Variants in ANP32E observed in about 807,000 individuals in gnomAD.
The protein encoded by ANP32E is acidic leucine-rich nuclear phosphoprotein 32 family member E.
ANP32E carries 14 observed loss-of-function variants against 35.3 expected under a neutral mutation model. The observed-to-expected ratio is 0.40, with a 90% CI of 0.26 to 0.62. ANP32E has a LOEUF of 0.62. ANP32E is among the 20% of genes least tolerant of loss of function. ANP32E has a pLI of 0.45. For synonymous variants in ANP32E, 89 were observed against 110.4 expected (o/e 0.81, Z 1.22); for missense variants, 198 against 304.4 (o/e 0.65, Z 2.60).
chr1:150,234,508 A>G (rs1572035871), intron 1 of ANP32E: 1 of 853,034 alleles, frequency 1.2e-6, no homozygotes, highest in Non-Finnish European at 1.4e-6. Context: ...CTCTATGCCG[A>G]TCTGCACAGA....
At position 150,226,828 on chromosome 1, in the gene ANP32E, C is replaced by T. The variant is rs782404965; in HGVS notation, c.494-33G>A. ...AAATCATTTAAAGATGAGTAAATGACTGGGTAAATGTTTCTTCCTAGGATG... is the reference window on the plus strand; with the variant it reads ...AAATCATTTAAAGATGAGTAAATGATTGGGTAAATGTTTCTTCCTAGGATG... On this transcript the variant is annotated intron_variant, in intron 4 of 6. Coordinates refer to ENST00000583931, the MANE Select transcript of ANP32E (RefSeq NM_030920.5). 12 of 1,579,740 alleles carry T rather than the reference C, an allele frequency of 7.6e-6. 1 individual carries two copies. The highest frequency in any genetic ancestry group is 4.5e-5 in the East Asian group (2 of 44,032).
At chr1:150,234,038 G>A (rs1266573415) in intron 1 of ANP32E, among the ~76,000 whole-genome samples, 1 of 152,126 alleles carries the variant, frequency 6.6e-6, no homozygotes, top group Non-Finnish European at 1.5e-5. Flanking sequence ...TACGTAAGGA[G>A]GAAAGTAAAT....
chr1:150,223,389 C>T (rs1455082475), intron 5 of ANP32E, 149 bp from the exon 6 acceptor site: 2 of 1,118,118 alleles, frequency 1.8e-6, no homozygotes, highest in African/African-American at 3.2e-5. Context: ...TTTTTAAAAC[C>T]TAACTAAAGG....
chr1:150,227,216 T>C (rs587659300), intron 4 of ANP32E, among the ~76,000 whole-genome samples: 1 of 152,296 alleles, frequency 6.6e-6, no homozygotes, highest in Admixed American at 6.5e-5. Flanking sequence ...AAAATACAAC[T>C]ACCATTCGAC....
chr1:150,226,704 ATCCTCCTCT>A lies in ANP32E; in HGVS notation c.576_584del (p.Glu192_Glu194del). The A allele has an allele frequency of 6.3e-7, 1 of 1,576,340 alleles. No homozygotes were observed. The highest frequency in any genetic ancestry group is 2.3e-5 in the East Asian group (1 of 43,492). On this transcript the variant is annotated inframe_deletion, in exon 5 of 7. Transcript: ENST00000583931. ...CATCTTCATCTTCATCCTCATCCTC[ATCCTCCTCT>A]TCCTCTTCCTCCTCCTCTTCCTCAT...
At position 150,220,547 on chromosome 1, in the gene ANP32E, A is replaced by T; in HGVS notation, c.*144T>A. On this transcript the variant is annotated 3_prime_UTR_variant, in exon 7 of 7. Transcript: ENST00000583931. ...CAGACTAGTTCTTATTTGGAATGAT[A>T]AGGCAAAAATAGTAAAACCACACTT... is the stretch of plus-strand genomic sequence containing the variant. 1 of 752,576 alleles carries T rather than the reference A, an allele frequency of 1.3e-6. No individual in the cohort carries two copies. Among genetic ancestry groups the T allele is most frequent in the Non-Finnish European group, 2.2e-6 (1 of 458,984 alleles). The allele number at this position is 752,576 out of a possible 1,614,324, so 46.6% of individuals were successfully genotyped here.
chr1:150,219,342 AACAC>A lies in ANP32E; in HGVS notation c.*1345_*1348del, dbSNP rs587759748. ...ATTTTATTTAGTAGCCATGTAAGGA[AACAC>A]ACACTCACTTATCCCAAATATTTTT... On this transcript the variant is annotated 3_prime_UTR_variant, in exon 7 of 7. Transcript: ENST00000583931. 1.6e-4 allele frequency: 24 copies of A among 152,324 alleles called. No homozygotes were observed. In the South Asian group the frequency reaches 4.1e-3, roughly 26 times the overall value. The allele number at this position is 152,324 out of a possible 1,614,324, so 9.4% of individuals were successfully genotyped here. A position where few individuals can be genotyped will look rare whatever the true frequency, so the allele number is the denominator to read the frequency against.
chr1:150,228,293 G>A (rs917714149), intron 4 of ANP32E, among the ~76,000 whole-genome samples: 11 of 151,878 alleles, frequency 7.2e-5, no homozygotes, highest in Admixed American at 6.6e-5. Context: ...CTTCTTTCAC[G>A]TAGAAGAACA....
intron 1 of ANP32E, among the ~76,000 whole-genome samples, chr1:150,234,306 T>A (rs187143864): frequency 4.1e-5 from 6 of 145,474 alleles, no homozygotes; most frequent in Admixed American, 2.8e-4. Context: ...GGTTTTTTTA[T>A]TTTTTTCCTG....
intron 1 of ANP32E, among the ~76,000 whole-genome samples, chr1:150,232,143 G>A (rs1649395592): frequency 6.6e-6 from 1 of 151,646 alleles, no homozygotes; most frequent in African/African-American, 2.4e-5. Flanking sequence ...AGGAGATCGA[G>A]ACCATCCCGG....
In ANP32E at chr1:150,219,231, T is replaced by A. The variant is rs182816772; in HGVS notation, c.*1460A>T. On this transcript the variant is annotated 3_prime_UTR_variant, in exon 7 of 7. Transcript: ENST00000583931. ...AAATATTCAAAACAAAGGGAAAAAATTTTAGATAGCCAAGATTTAAAAAGC... is the reference window on the plus strand; with the variant it reads ...AAATATTCAAAACAAAGGGAAAAAAATTTAGATAGCCAAGATTTAAAAAGC... 2 of 152,136 alleles carry A rather than the reference T, an allele frequency of 1.3e-5. No homozygotes were observed. The highest frequency in any genetic ancestry group is 4.8e-5 in the African/African-American group (2 of 41,486). 9.4% of individuals were successfully genotyped at this position (152,136 alleles called of 1,614,324 possible). A position where few individuals can be genotyped will look rare whatever the true frequency, so the allele number is the denominator to read the frequency against.
At chr1:150,234,426 T>TAA (rs11380706) in intron 1 of ANP32E, among the ~76,000 whole-genome samples, 129,307 of 141,616 alleles carry the variant, frequency 0.91, 59,673 homozygotes, top group East Asian at 0.99. Flanking sequence ...AACAGGCACT[T>TAA]AAAAAAAAAA....
chr1:150,233,264 CAAAAAAAAAAAA>C (rs60732970), intron 1 of ANP32E, among the ~76,000 whole-genome samples: 1 of 86,426 alleles, frequency 1.2e-5, no homozygotes, highest in African/African-American at 4.3e-5. Context: ...GACTCTATCT[CAAAAAAAAAAAA>C]AAAAAAAAAA....
chr1:150,234,201 G>A (rs587721053), intron 1 of ANP32E, among the ~76,000 whole-genome samples: 8 of 152,250 alleles, frequency 5.3e-5, no homozygotes, highest in South Asian at 4.1e-4. Context: ...AATCCTGGCG[G>A]GGGAGGCGGG....
rs80299916 is a variant in ANP32E at position 150,220,206 on chromosome 1, CA to C, written c.*484del. 4.1e-5 allele frequency: 4 copies of C among 97,902 alleles called. No homozygotes were observed. The highest frequency in any genetic ancestry group is 1.2e-4 in the Admixed American group (1 of 8,514). The allele number at this position is 97,902 out of a possible 1,614,324, so 6.1% of individuals were successfully genotyped here. On this transcript the variant is annotated 3_prime_UTR_variant, in exon 7 of 7. Coordinates refer to ENST00000583931, the MANE Select transcript of ANP32E (RefSeq NM_030920.5). Reference sequence around the variant, plus strand: ...AAAAAAGCAACCAAACACTCTTAGTCAAAAAAAAAAAAAAAAAAAGGTAACT... The same window carrying C: ...AAAAAAGCAACCAAACACTCTTAGTCAAAAAAAAAAAAAAAAAAGGTAACT...
chr1:150,233,057 G>A (rs887851943), intron 1 of ANP32E, among the ~76,000 whole-genome samples: 6 of 151,824 alleles, frequency 4.0e-5, no homozygotes, highest in Non-Finnish European at 7.4e-5. Flanking sequence ...TTGAGGTTAG[G>A]AGATCAAGAC....
chr1:150,226,500 C>T (rs1246027119), intron 5 of ANP32E, 108 bp downstream of exon 5: 2 of 1,361,578 alleles, frequency 1.5e-6, no homozygotes, highest in South Asian at 1.4e-5. Flanking sequence ...CATATGCACA[C>T]CCACAACTTA....
In ANP32E at chr1:150,232,333, G is replaced by A. The variant is rs1474200850; in HGVS notation, c.55-407C>T. 3.7e-4 allele frequency among the ~76,000 whole-genome samples: 19 copies of A among 51,944 alleles called. No homozygotes were observed. In the South Asian group the frequency reaches 0.013, roughly 36 times the overall value. 34.1% of individuals were successfully genotyped at this position (51,944 alleles called of 152,430 possible). A position where few individuals can be genotyped will look rare whatever the true frequency, so the allele number is the denominator to read the frequency against. ...CACTCCAGCCTGGGCGACAGAGGGA[G>A]ACTCCGTCTCAAAAAAAAAAAAAAA... On this transcript the variant is annotated intron_variant, in intron 1 of 6. Coordinates refer to ENST00000583931, the MANE Select transcript of ANP32E (RefSeq NM_030920.5).
chr1:150,233,226 T>C (rs1649508612), intron 1 of ANP32E, among the ~76,000 whole-genome samples: 1 of 138,654 alleles, frequency 7.2e-6, no homozygotes, highest in African/African-American at 2.8e-5. Context: ...GGCCGCACCA[T>C]TGCACTCCAG....
Sources: allele counts gnomAD v4.1 joint callset (sites outside exome capture counted in the v4.1 genomes callset), GRCh38; gene constraint gnomAD v4.1.1; transcripts MANE v1.5; gene names NCBI Gene and HGNC (gene_info 2026-07-23, HGNC 2026-07-21).